The following LRRC4C variants were observed in gnomAD, a reference collection of about 807,000 sequenced individuals.
LRRC4C encodes leucine-rich repeat-containing protein 4C.
Under a neutral mutation model 33.6 loss-of-function variants are expected in LRRC4C, and 5 were observed. The observed-to-expected ratio is 0.15, with a 90% CI of 0.08 to 0.31. LRRC4C has a LOEUF of 0.31. LRRC4C is among the 10% of genes least tolerant of loss of function. The probability of loss-of-function intolerance (pLI) is 1.00; values close to 1 mark genes in which losing one functional copy is unlikely to be tolerated. For synonymous variants in LRRC4C, 329 were observed against 302.0 expected (o/e 1.09, Z -0.93); for missense variants, 560 against 796.7 (o/e 0.70, Z 3.58).
rs1555008817 is a variant in LRRC4C, at chr11:40,936,065, T to TATATATATAA, written c.-495-2343_-495-2342insTTATATATAT. 4.7e-3 allele frequency among the ~76,000 whole-genome samples: 353 copies of TATATATATAA among 75,798 alleles called. 54 individuals carry two copies. Among genetic ancestry groups the TATATATATAA allele is most frequent in the Middle Eastern group, 8.2e-3 (1 of 122 alleles). The allele number at this position is 75,798 out of a possible 152,430, so 49.7% of individuals were successfully genotyped here. ...ATATATATATATATATATATATATA[T>TATATATATAA]AACATAGTTTGAACCTTAACTCTGT... On this transcript the variant is annotated intron_variant, in intron 1 of 6. Coordinates refer to ENST00000528697, the MANE Select transcript of LRRC4C (RefSeq NM_001258419.2).
chr11:41,045,288 T>C (rs779373891), intron 1 of LRRC4C, among the ~76,000 whole-genome samples: 31 of 152,084 alleles, frequency 2.0e-4, no homozygotes, highest in Non-Finnish European at 3.2e-4. Flanking sequence ...CCATGGGGCA[T>C]AGATAATAGT....
chr11:40,432,833 T>C (rs990087073), intron 3 of LRRC4C, among the ~76,000 whole-genome samples: 1 of 152,216 alleles, frequency 6.6e-6, no homozygotes, highest in Non-Finnish European at 1.5e-5. Flanking sequence ...AACCCATAAA[T>C]AAAAGTGCTA....
intron 3 of LRRC4C, among the ~76,000 whole-genome samples, chr11:40,529,712 T>TGAAAGTAACACATCATTCACAGAATG: frequency 6.6e-6 from 1 of 152,282 alleles, no homozygotes; most frequent in South Asian, 2.1e-4. Context: ...TTGAACTTAT[T>TGAAAGTAACACATCATTCACAGAATG]GAAAGTAACA....
chr11:41,417,180 A>G (rs1954713646), intron 1 of LRRC4C, among the ~76,000 whole-genome samples: 1 of 152,078 alleles, frequency 6.6e-6, no homozygotes, highest in Admixed American at 6.6e-5. Flanking sequence ...GCTAGCAATC[A>G]CAGGATATAT....
chr11:40,499,110 T>G (rs966521096), intron 3 of LRRC4C, among the ~76,000 whole-genome samples: 1 of 152,178 alleles, frequency 6.6e-6, no homozygotes, highest in African/African-American at 2.4e-5. Flanking sequence ...CTATTTTAAG[T>G]GGGCTTGGCA....
chr11:40,916,756 G>A (rs1592085853), intron 2 of LRRC4C, among the ~76,000 whole-genome samples: 1 of 151,730 alleles, frequency 6.6e-6, no homozygotes, highest in East Asian at 1.9e-4. Flanking sequence ...ATTTAAAAAT[G>A]TCTAGTAAGA....
intron 3 of LRRC4C, among the ~76,000 whole-genome samples, chr11:40,581,795 C>T (rs997897959): frequency 9.9e-5 from 15 of 152,140 alleles, no homozygotes; most frequent in Middle Eastern, 3.4e-3. Flanking sequence ...CCCAGCTACT[C>T]GGGAGCCTGA....
chr11:40,232,298 G>C (rs986114342), intron 5 of LRRC4C, among the ~76,000 whole-genome samples: 1 of 152,112 alleles, frequency 6.6e-6, no homozygotes, highest in Non-Finnish European at 1.5e-5. Flanking sequence ...GAGCCACCAT[G>C]CCTGGCCAAA....
intron 3 of LRRC4C, among the ~76,000 whole-genome samples, chr11:40,530,387 A>G (rs1956225464): frequency 6.6e-6 from 1 of 152,072 alleles, no homozygotes; most frequent in Non-Finnish European, 1.5e-5. Flanking sequence ...CAGGAAGATG[A>G]GATTTTGGGT....
intron 1 of LRRC4C, among the ~76,000 whole-genome samples, chr11:41,371,372 CCA>C (rs1952740666): frequency 6.6e-6 from 1 of 152,178 alleles, no homozygotes; most frequent in South Asian, 2.1e-4. Flanking sequence ...TATTAGAAGG[CCA>C]GATTCCAATG....
At position 40,507,976 on chromosome 11, in the gene LRRC4C, C is replaced by T. The variant is rs888898824; in HGVS notation, c.-270+140166G>A. On this transcript the variant is annotated intron_variant, in intron 3 of 6. Coordinates refer to ENST00000528697, the MANE Select transcript of LRRC4C (RefSeq NM_001258419.2). Reference sequence around the variant, plus strand: ...CTGATTTCAAACACCTGCCTAGTCTCGAACTCCTGGCCTGAAGTGATCCGC... The same window carrying T: ...CTGATTTCAAACACCTGCCTAGTCTTGAACTCCTGGCCTGAAGTGATCCGC... Among the ~76,000 whole-genome samples the T allele has an allele frequency of 4.6e-5, 7 of 152,110 alleles. No homozygotes were observed. In the South Asian group the frequency reaches 8.3e-4, roughly 18 times the overall value.
intron 3 of LRRC4C, among the ~76,000 whole-genome samples, chr11:40,398,514 G>T (rs1269745749): frequency 6.6e-6 from 1 of 151,930 alleles, no homozygotes; most frequent in African/African-American, 2.4e-5. Flanking sequence ...TTGAACCAAT[G>T]GATAAACCAG....
intron 1 of LRRC4C, among the ~76,000 whole-genome samples, chr11:41,051,484 C>A (rs1173219767): frequency 9.0e-6 from 1 of 111,314 alleles, no homozygotes; most frequent in Non-Finnish European, 1.7e-5. Context: ...TATTAAAAGA[C>A]ACATCTGGAA....
intron 3 of LRRC4C, among the ~76,000 whole-genome samples, chr11:40,634,740 G>T (rs1181083343): frequency 6.6e-6 from 1 of 151,732 alleles, no homozygotes; most frequent in African/African-American, 2.4e-5. Context: ...AAATTAGCCA[G>T]ACATAGTGGT....
intron 5 of LRRC4C, among the ~76,000 whole-genome samples, chr11:40,161,743 C>A (rs1008566322): frequency 2.0e-5 from 3 of 151,976 alleles, no homozygotes; most frequent in Non-Finnish European, 4.4e-5. Context: ...GGCAACAGAG[C>A]GAGACTCCTT....
chr11:40,305,240 T>C (rs983719122), intron 4 of LRRC4C, among the ~76,000 whole-genome samples: 3 of 152,216 alleles, frequency 2.0e-5, no homozygotes, highest in Admixed American at 6.5e-5. Context: ...GGCTACCCCA[T>C]GTCTATTGCA....
chr11:41,357,723 A>G (rs1166492938), intron 1 of LRRC4C, among the ~76,000 whole-genome samples: 3 of 152,150 alleles, frequency 2.0e-5, no homozygotes. Flanking sequence ...AGCCATAGCT[A>G]TAATAACAGA....
intron 3 of LRRC4C, among the ~76,000 whole-genome samples, chr11:40,490,064 C>T (rs1202496895): frequency 6.6e-6 from 1 of 152,034 alleles, no homozygotes; most frequent in Non-Finnish European, 1.5e-5. Context: ...TCAGTGCCTG[C>T]CATCTTTGTG....
chr11:40,987,663 T>TATA (rs1565274573), intron 1 of LRRC4C, among the ~76,000 whole-genome samples: 2 of 78,194 alleles, frequency 2.6e-5, no homozygotes, highest in African/African-American at 1.2e-4. Context: ...CTCATATATA[T>TATA]GAGATATAAA....
Sources: gnomAD v4.1 joint callset for allele counts (sites outside exome capture counted in the v4.1 genomes callset) on GRCh38, gnomAD v4.1.1 for gene constraint, MANE v1.5 for transcripts, NCBI Gene and HGNC (gene_info 2026-07-23, HGNC 2026-07-21) for gene names.